SDK1: variants seen among roughly 807,000 people sequenced by gnomAD.
The protein encoded by SDK1 is sidekick cell adhesion molecule 1.
SDK1 carries 157 observed loss-of-function variants against 245.5 expected under a neutral mutation model. That is an observed-to-expected ratio of 0.64 (90% CI 0.56 to 0.73). The LOEUF (loss-of-function observed/expected upper bound fraction) is 0.73, where lower values mean the gene tolerates loss of function less well. SDK1 is among the 30% of genes least tolerant of loss of function. The probability of loss-of-function intolerance (pLI) is 0.00; values close to 1 mark genes in which losing one functional copy is unlikely to be tolerated. For synonymous variants in SDK1, 1,647 were observed against 1,278.5 expected, an observed-to-expected ratio of 1.29 and a Z score of -6.15; for missense variants, 3,583 against 3,002.3, an observed-to-expected ratio of 1.19 and a Z score of -4.52.
chr7:3,467,764 C>A (rs1781053472), intron 1 of SDK1, among the ~76,000 whole-genome samples: 1 of 151,940 alleles, frequency 6.6e-6, no homozygotes, highest in South Asian at 2.1e-4. Flanking sequence ...TTTAGTAAAG[C>A]ATTTGAGATT....
At chr7:3,824,329 C>T (rs1042152290) in intron 5 of SDK1, among the ~76,000 whole-genome samples, 1 of 152,162 alleles carries the variant, frequency 6.6e-6, no homozygotes, top group Admixed American at 6.5e-5. Context: ...GCCAGCGTTT[C>T]TGAAAAATCA....
At chr7:4,058,426 C>T (rs1038143868) in intron 19 of SDK1, among the ~76,000 whole-genome samples, 2 of 151,814 alleles carry the variant, frequency 1.3e-5, no homozygotes, top group African/African-American at 4.8e-5. Context: ...GGGATACAAA[C>T]CTGATTTAAC....
intron 5 of SDK1, among the ~76,000 whole-genome samples, chr7:3,867,325 T>C (rs921568365): frequency 6.6e-6 from 1 of 152,164 alleles, no homozygotes; most frequent in Admixed American, 6.5e-5. Context: ...AACTAGAATT[T>C]GATTATTTTG....
intron 22 of SDK1, among the ~76,000 whole-genome samples, chr7:4,084,416 C>T (rs765906646): frequency 3.3e-5 from 5 of 152,146 alleles, no homozygotes; most frequent in African/African-American, 4.8e-5. Context: ...CCTGGGGCTC[C>T]GGCATGAGGC....
At chr7:4,034,708 GATAC>G (rs1788089179) in intron 17 of SDK1, among the ~76,000 whole-genome samples, 1 of 152,122 alleles carries the variant, frequency 6.6e-6, no homozygotes, top group African/African-American at 2.4e-5. Flanking sequence ...CAAATGAAAA[GATAC>G]AGGTACAAGC....
At chr7:4,038,618 C>A (rs1295718821) in intron 17 of SDK1, among the ~76,000 whole-genome samples, 2 of 152,144 alleles carry the variant, frequency 1.3e-5, no homozygotes, top group Non-Finnish European at 2.9e-5. Flanking sequence ...TTCACTGGTC[C>A]CAAACATGTT....
Position 3,775,581 on chromosome 7 carries a change from T to C in SDK1, c.714-45869T>C, listed in dbSNP as rs190201049. Among the ~76,000 whole-genome samples, 18 of 151,624 alleles carry C rather than the reference T, an allele frequency of 1.2e-4. No homozygotes were observed. In the East Asian group the frequency reaches 3.1e-3, roughly 26 times the overall value. Reference sequence around the variant, plus strand: ...TTAGTACCTCTTTTTTTTTCTTTTTTTTTTTTGAGACAGAGTCTTGCTCTG... The same window carrying C: ...TTAGTACCTCTTTTTTTTTCTTTTTCTTTTTTGAGACAGAGTCTTGCTCTG... On this transcript the variant is annotated intron_variant, in intron 4 of 44. Transcript: ENST00000404826.
At chr7:4,254,645 T>C (rs1436860204) in intron 44 of SDK1, among the ~76,000 whole-genome samples, 14 of 151,820 alleles carry the variant, frequency 9.2e-5, no homozygotes, top group Non-Finnish European at 1.8e-4. Context: ...TTTTTTTTTT[T>C]CCTGTGTATG....
At chr7:3,846,710 CT>C (rs1780287855) in intron 5 of SDK1, among the ~76,000 whole-genome samples, 1 of 152,208 alleles carries the variant, frequency 6.6e-6, no homozygotes, top group South Asian at 2.1e-4. Flanking sequence ...AAGCTTGGCT[CT>C]GTTCTTGCCT....
intron 4 of SDK1, among the ~76,000 whole-genome samples, chr7:3,675,764 A>C (rs1287846057): frequency 2.6e-5 from 4 of 152,164 alleles, no homozygotes; most frequent in African/African-American, 9.7e-5. Context: ...CCTGGCCTCA[A>C]GTGATCCTCC....
chr7:3,918,548 T>TACGTGATG (rs1779469008), intron 5 of SDK1, among the ~76,000 whole-genome samples: 1 of 152,236 alleles, frequency 6.6e-6, no homozygotes, highest in Non-Finnish European at 1.5e-5. Context: ...CCACTGATTC[T>TACGTGATG]ACGTGATGGT....
At chr7:3,949,984 G>A (rs1780734883) in intron 5 of SDK1, among the ~76,000 whole-genome samples, 1 of 152,194 alleles carries the variant, frequency 6.6e-6, no homozygotes, top group African/African-American at 2.4e-5. Context: ...GCTGATACAT[G>A]AAATATTTGT....
At chr7:3,390,838 CTGTTGTT>C (rs578237266) in intron 1 of SDK1, among the ~76,000 whole-genome samples, 1 of 152,266 alleles carries the variant, frequency 6.6e-6, no homozygotes, top group African/African-American at 2.4e-5. Flanking sequence ...GAATAAATAT[CTGTTGTT>C]TTAGGACATT....
intron 1 of SDK1, among the ~76,000 whole-genome samples, chr7:3,352,147 T>C (rs928156312): frequency 6.7e-6 from 1 of 149,252 alleles, no homozygotes; most frequent in Non-Finnish European, 1.5e-5. Context: ...TATATAAATA[T>C]ATATTTATAA....
intron 4 of SDK1, among the ~76,000 whole-genome samples, chr7:3,815,689 G>C (rs982350961): frequency 2.0e-5 from 3 of 151,936 alleles, no homozygotes; most frequent in African/African-American, 7.3e-5. Flanking sequence ...AGAAGGAATG[G>C]TACCAGTTCC....
At chr7:3,837,257 G>A (rs1043823228) in intron 5 of SDK1, among the ~76,000 whole-genome samples, 1 of 152,144 alleles carries the variant, frequency 6.6e-6, no homozygotes. Flanking sequence ...TTTGTGGCCT[G>A]GATTTGCTCC....
At chr7:3,351,776 G>T (rs1450960629) in intron 1 of SDK1, among the ~76,000 whole-genome samples, 1 of 152,100 alleles carries the variant, frequency 6.6e-6, no homozygotes, top group Admixed American at 6.5e-5. Flanking sequence ...AAAAATAGCT[G>T]AATGCACAAT....
intron 4 of SDK1, among the ~76,000 whole-genome samples, chr7:3,647,579 A>G (rs1198196437): frequency 6.6e-6 from 1 of 152,048 alleles, no homozygotes; most frequent in East Asian, 1.9e-4. Flanking sequence ...GGCGTGCGCC[A>G]CTATGCCTGG....
chr7:3,855,251 C>T (rs73036457), intron 5 of SDK1, among the ~76,000 whole-genome samples: 1 of 151,798 alleles, frequency 6.6e-6, no homozygotes, highest in East Asian at 1.9e-4. Context: ...AGATGAGCAC[C>T]ACACCAAGAA....
Sources: gnomAD v4.1 joint callset for allele counts (sites outside exome capture counted in the v4.1 genomes callset) on GRCh38, gnomAD v4.1.1 for gene constraint, MANE v1.5 for transcripts, NCBI Gene and HGNC (gene_info 2026-07-23, HGNC 2026-07-21) for gene names.